AHCYL1: variants seen among roughly 807,000 people sequenced by gnomAD.
AHCYL1 encodes S-adenosylhomocysteine hydrolase-like protein 1.
AHCYL1 carries 20 observed loss-of-function variants against 79.3 expected under a neutral mutation model. The observed-to-expected ratio is 0.25, with a 90% confidence interval of 0.18 to 0.37. The LOEUF (loss-of-function observed/expected upper bound fraction) is 0.37. AHCYL1 is among the 10% of genes least tolerant of loss of function. The pLI, the probability that AHCYL1 is intolerant of heterozygous loss-of-function variation, is 1.00. For missense variants in AHCYL1, 330 were observed against 673.6 expected (o/e 0.49, Z 5.65); for synonymous variants, 223 against 242.2 (o/e 0.92, Z 0.74).
chr1:110,014,585 A>C (rs1214366718), intron 5 of AHCYL1, among the ~76,000 whole-genome samples, 178 bp from the exon 6 acceptor site: 1 of 152,250 alleles, frequency 6.6e-6, no homozygotes, highest in East Asian at 1.9e-4. Flanking sequence ...AAAATTCCTT[A>C]ATTTCTTAAC....
chr1:110,004,176 CTGT>C, intron 1 of AHCYL1: 3 of 985,508 alleles, frequency 3.0e-6, no homozygotes, highest in Non-Finnish European at 3.6e-6. Context: ...GTGTTATATC[CTGT>C]TACTGTTGAG....
chr1:110,010,597 T>A (rs1650961999), intron 2 of AHCYL1, among the ~76,000 whole-genome samples: 2 of 152,198 alleles, frequency 1.3e-5, no homozygotes, highest in African/African-American at 4.8e-5. Flanking sequence ...TGAGCACAAC[T>A]TAGTGTAAAA....
chr1:110,018,311 AAGCC>A, intron 11 of AHCYL1, 58 bp from the exon 12 acceptor site: 1 of 1,538,436 alleles, frequency 6.5e-7, no homozygotes, highest in African/African-American at 1.4e-5. Flanking sequence ...TTCTACCTGA[AAGCC>A]AGCCAGTACC....
rs762015166 is a variant in AHCYL1 at position 109,985,138 on chromosome 1, C to T, written c.86C>T (p.Ser29Phe). The change falls in exon 1 of 17, where the codon TCC becomes TTC. Residue 29 changes from serine to phenylalanine, a missense_variant. Ser to Phe is a radical substitution (Grantham distance 155). Transcript: ENST00000369799. The part of the protein sequence containing the change: ...AKEIEDAEKY[S>F]FMATVTKAPK... The stretch of plus-strand genomic sequence containing the variant: ...GAGATCGAGGACGCCGAGAAGTACT[C>T]CTTCATGGCCACCGTCACCAAGGCG... The T allele has an allele frequency of 1.9e-6, 3 of 1,610,930 alleles. No homozygotes were observed. Among genetic ancestry groups the T allele is most frequent in the South Asian group, 1.1e-5 (1 of 90,728 alleles).
At chr1:109,989,737 G>A (rs2101691124) in intron 1 of AHCYL1, among the ~76,000 whole-genome samples, 1 of 152,336 alleles carries the variant, frequency 6.6e-6, no homozygotes, top group South Asian at 2.1e-4. Flanking sequence ...GTTTGGGAAT[G>A]TGAGTATTGC....
At chr1:110,018,909 T>C in intron 13 of AHCYL1, 142 bp from the exon 14 acceptor site, 1 of 834,490 alleles carries the variant, frequency 1.2e-6, no homozygotes, top group East Asian at 2.4e-5. Flanking sequence ...GGAAAAAGCC[T>C]AGAGTCCTGA....
chr1:109,990,431 T>A (rs1251677616), intron 1 of AHCYL1, among the ~76,000 whole-genome samples: 1 of 152,178 alleles, frequency 6.6e-6, no homozygotes, highest in Admixed American at 6.5e-5. Flanking sequence ...AAGGAGTGCC[T>A]CCGTAGCTCT....
At position 110,018,918 on chromosome 1, in the gene AHCYL1, G is replaced by C. The variant is rs1651608360; in HGVS notation, c.1318-133G>C. On this transcript the variant is annotated intron_variant, in intron 13 of 16. Transcript: ENST00000369799. ...AAAATAGGAAAAAGCCTAGAGTCCT[G>C]ATCTGGAACTGTAATTCTTCCTCTT... The C allele has an allele frequency of 3.4e-6, 3 of 887,720 alleles. No homozygotes were observed. In the South Asian group the frequency reaches 4.3e-5, roughly 13 times the overall value. 55.0% of individuals were successfully genotyped at this position (887,720 alleles called of 1,614,324 possible). A position where few individuals can be genotyped will look rare whatever the true frequency, so the allele number is the denominator to read the frequency against.
At chr1:109,991,200 C>T (rs1649743953) in intron 1 of AHCYL1, among the ~76,000 whole-genome samples, 7 of 152,098 alleles carry the variant, frequency 4.6e-5, no homozygotes, top group Admixed American at 3.9e-4. Flanking sequence ...CATTGGGGGG[C>T]TTAATCATTC....
chr1:110,004,539 G>C (rs911474190), intron 1 of AHCYL1: 1 of 968,696 alleles, frequency 1.0e-6, no homozygotes, highest in Admixed American at 6.2e-5. Context: ...AAGGTATTCA[G>C]ACTTGTGTAT....
chr1:110,012,921 C>T lies in AHCYL1; in HGVS notation c.502C>T (p.Leu168=), dbSNP rs1397586874. The change falls in exon 5 of 17, where the codon CTG becomes TTG. Residue 168 remains leucine, a synonymous_variant. Transcript: ENST00000369799. Reference sequence around the variant, plus strand: ...GGTGTTGATTGAGACACTCTGTGCCCTGGGGGCTCAGTGCCGCTGGTCTGC... The same window carrying T: ...GGTGTTGATTGAGACACTCTGTGCCTTGGGGGCTCAGTGCCGCTGGTCTGC... ...TAVLIETLCA[L]GAQCRWSACN... 6.2e-7 allele frequency: 1 copy of T among 1,612,630 alleles called. No individual in the cohort carries two copies. The highest frequency in any genetic ancestry group is 2.2e-5 in the East Asian group (1 of 44,816).
At chr1:109,992,087 G>A (rs1649790976) in intron 1 of AHCYL1, among the ~76,000 whole-genome samples, 2 of 151,656 alleles carry the variant, frequency 1.3e-5, no homozygotes, top group Admixed American at 6.6e-5. Flanking sequence ...GGGGCGGGGG[G>A]AAGAAAAGAG....
chr1:109,987,008 G>C (rs1002105384), intron 1 of AHCYL1, among the ~76,000 whole-genome samples: 1 of 152,204 alleles, frequency 6.6e-6, no homozygotes, highest in Non-Finnish European at 1.5e-5. Context: ...AAAAGAAGCA[G>C]GCTCTGCCAG....
In AHCYL1 at chr1:110,021,765, T is replaced by G; in HGVS notation, c.*85T>G. ...AAGATAACTTTTATTTTCTTCTTACTCCTTTCCTCTTGATTTTTTTCCTAT... is the reference window on the plus strand; with the variant it reads ...AAGATAACTTTTATTTTCTTCTTACGCCTTTCCTCTTGATTTTTTTCCTAT... On this transcript the variant is annotated 3_prime_UTR_variant, in exon 17 of 17. Coordinates refer to ENST00000369799, the MANE Select transcript of AHCYL1 (RefSeq NM_006621.7). 1 of 1,406,476 alleles carries G rather than the reference T, an allele frequency of 7.1e-7. No homozygotes were observed. Among genetic ancestry groups the G allele is most frequent in the Non-Finnish European group, 9.8e-7 (1 of 1,015,898 alleles). The allele number at this position is 1,406,476 out of a possible 1,614,324, so 87.1% of individuals were successfully genotyped here. A position where few individuals can be genotyped will look rare whatever the true frequency, so the allele number is the denominator to read the frequency against.
chr1:109,993,417 T>C (rs1436740993), intron 1 of AHCYL1, among the ~76,000 whole-genome samples: 1 of 152,212 alleles, frequency 6.6e-6, no homozygotes, highest in Non-Finnish European at 1.5e-5. Flanking sequence ...CTCACACATA[T>C]TTATATAGTA....
rs1234928950 is a variant in AHCYL1, at chr1:109,985,023, G to T, written c.-30G>T. On this transcript the variant is annotated 5_prime_UTR_variant, in exon 1 of 17. Coordinates refer to ENST00000369799, the MANE Select transcript of AHCYL1 (RefSeq NM_006621.7). ...AGAGGGGGAAAGAGGCGGGGGCGGC[G>T]GGTCAGCCGCTGGCCGGGCCGGCCG... The T allele has an allele frequency of 4.6e-6, 7 of 1,509,294 alleles. No individual in the cohort carries two copies. The allele number at this position is 1,509,294 out of a possible 1,614,324, so 93.5% of individuals were successfully genotyped here. A position where few individuals can be genotyped will look rare whatever the true frequency, so the allele number is the denominator to read the frequency against.
chr1:109,992,572 A>G (rs1649823869), intron 1 of AHCYL1, among the ~76,000 whole-genome samples: 1 of 152,258 alleles, frequency 6.6e-6, no homozygotes, highest in East Asian at 1.9e-4. Flanking sequence ...TTCACTTTGA[A>G]TTTTCAAAAT....
rs138698293 is a variant in AHCYL1 at position 110,011,500 on chromosome 1, T to C, written c.376+143T>C. ...TTATGGACTTTCGGATAAACACTTC[T>C]CTCTCTATGGAACTTAAGTCTTGGG... On this transcript the variant is annotated intron_variant, in intron 3 of 16. Transcript: ENST00000369799. 2,929 of 1,148,638 alleles carry C rather than the reference T, an allele frequency of 2.5e-3. 5 individuals are homozygous for C. The highest frequency in any genetic ancestry group is 3.4e-3 in the Non-Finnish European group (2,793 of 817,804). The allele number at this position is 1,148,638 out of a possible 1,614,324, so 71.2% of individuals were successfully genotyped here. A position where few individuals can be genotyped will look rare whatever the true frequency, so the allele number is the denominator to read the frequency against.
intron 1 of AHCYL1, among the ~76,000 whole-genome samples, chr1:110,002,185 G>A (rs1043970724): frequency 9.2e-5 from 14 of 152,156 alleles, no homozygotes; most frequent in African/African-American, 3.4e-4. Context: ...AAAGAACCTA[G>A]GAGTAGTGCA....
Sources: allele counts gnomAD v4.1 joint callset (sites outside exome capture counted in the v4.1 genomes callset), GRCh38; gene constraint gnomAD v4.1.1; transcripts MANE v1.5; gene names NCBI Gene and HGNC (gene_info 2026-07-23, HGNC 2026-07-21).